The following RIMS1 variants were observed in gnomAD, a reference collection of about 807,000 sequenced individuals.
RIMS1 encodes regulating synaptic membrane exocytosis 1, also known as regulating synaptic membrane exocytosis protein 1.
Under a neutral mutation model 214.1 loss-of-function variants are expected in RIMS1, and 83 were observed. That is an observed-to-expected ratio of 0.39 (90% CI 0.32 to 0.47). RIMS1 has a LOEUF of 0.47. Among genes scored for constraint, RIMS1 ranks in the 20% least tolerant of loss-of-function variants. The pLI is 0.99. For missense variants in RIMS1, 2,050 were observed against 2,161.8 expected, an observed-to-expected ratio of 0.95 and a Z score of 1.03; for synonymous variants, 793 against 786.8, an observed-to-expected ratio of 1.01 and a Z score of -0.13.
At chr6:72,305,474 G>A (rs1160964990) in intron 26 of RIMS1, among the ~76,000 whole-genome samples, 2 of 152,046 alleles carry the variant, frequency 1.3e-5, no homozygotes, top group African/African-American at 2.4e-5. Flanking sequence ...AACTAAATTT[G>A]CAGTCCATTT....
intron 1 of RIMS1, among the ~76,000 whole-genome samples, chr6:71,928,606 C>G (rs1328462748): frequency 6.6e-6 from 1 of 152,008 alleles, no homozygotes; most frequent in African/African-American, 2.4e-5. Flanking sequence ...ACATTTATAT[C>G]TATATATTCT....
intron 29 of RIMS1, among the ~76,000 whole-genome samples, chr6:72,377,770 A>G (rs1196740756): frequency 2.0e-5 from 3 of 152,230 alleles, no homozygotes; most frequent in Non-Finnish European, 4.4e-5. Context: ...TGATCAATGT[A>G]TACAACTAAA....
chr6:72,257,272 A>C (rs543925807), intron 16 of RIMS1, among the ~76,000 whole-genome samples: 1 of 152,010 alleles, frequency 6.6e-6, no homozygotes, highest in East Asian at 1.9e-4. Flanking sequence ...CTTGTGAAAA[A>C]ATTTTAAACT....
intron 2 of RIMS1, among the ~76,000 whole-genome samples, chr6:72,076,767 C>G (rs1831998265): frequency 6.6e-6 from 1 of 152,158 alleles, no homozygotes; most frequent in East Asian, 1.9e-4. Flanking sequence ...TAAAAAAATC[C>G]TCAGCTTGAC....
intron 4 of RIMS1, among the ~76,000 whole-genome samples, chr6:72,103,703 A>T (rs1436951550): frequency 6.6e-6 from 1 of 152,100 alleles, no homozygotes; most frequent in Non-Finnish European, 1.5e-5. Flanking sequence ...GTCACATGAA[A>T]ACTCTATGTT....
chr6:72,008,061 G>C (rs142898131), intron 2 of RIMS1, among the ~76,000 whole-genome samples: 17,448 of 152,124 alleles, frequency 0.11, 1,189 homozygotes, highest in South Asian at 0.17. Flanking sequence ...AAATGTTAAG[G>C]GTTGCCAGAG....
At chr6:72,052,745 G>T (rs373610298) in intron 2 of RIMS1, among the ~76,000 whole-genome samples, 1 of 152,112 alleles carries the variant, frequency 6.6e-6, no homozygotes, top group African/African-American at 2.4e-5. Context: ...TATTTTTTGC[G>T]TATGTGTTAT....
intron 2 of RIMS1, among the ~76,000 whole-genome samples, chr6:71,983,745 TA>T (rs763316764): frequency 6.6e-6 from 1 of 152,194 alleles, no homozygotes; most frequent in Non-Finnish European, 1.5e-5. Flanking sequence ...TTATGTCTAC[TA>T]ACTACACAAA....
At chr6:72,071,032 G>C (rs991920635) in intron 2 of RIMS1, among the ~76,000 whole-genome samples, 1 of 152,160 alleles carries the variant, frequency 6.6e-6, no homozygotes, top group East Asian at 1.9e-4. Context: ...TTAGAACACA[G>C]ATGTCCTCAG....
At chr6:71,954,870 T>C (rs201552804) in intron 1 of RIMS1, among the ~76,000 whole-genome samples, 1 of 102,978 alleles carries the variant, frequency 9.7e-6, no homozygotes, top group Non-Finnish European at 1.8e-5. Flanking sequence ...ACACACACAC[T>C]CCACACACAC....
At chr6:72,336,317 G>C (rs1292332941) in intron 29 of RIMS1, among the ~76,000 whole-genome samples, 1 of 151,672 alleles carries the variant, frequency 6.6e-6, no homozygotes, top group Admixed American at 6.6e-5. Context: ...GCTCATCTTT[G>C]TATTAATAAG....
chr6:72,163,456 G>A lies in RIMS1; in HGVS notation c.472-16119G>A, dbSNP rs1207000216. 2.1e-5 allele frequency among the ~76,000 whole-genome samples: 3 copies of A among 140,928 alleles called. 1 individual carries two copies. Among genetic ancestry groups the A allele is most frequent in the Non-Finnish European group, 4.8e-5 (3 of 62,000 alleles). The allele number at this position is 140,928 out of a possible 152,430, so 92.5% of individuals were successfully genotyped here. ...GCTGTGTTCCTTTGGAGGAGGAGAG[G>A]CACTCTGATTTTTAATTTCCAGTTT... On this transcript the variant is annotated intron_variant, in intron 4 of 33. Transcript: ENST00000521978.
intron 28 of RIMS1, among the ~76,000 whole-genome samples, chr6:72,326,043 T>C (rs753088310): frequency 4.0e-5 from 6 of 151,826 alleles, no homozygotes; most frequent in Non-Finnish European, 7.4e-5. Flanking sequence ...GTAGGGCTCA[T>C]ATAATTTTTG....
In RIMS1 at chr6:72,290,662, TGGCCCTAA is replaced by T. The variant is rs1307745134; in HGVS notation, c.3555-16_3555-9del. On this transcript the variant is annotated splice_polypyrimidine_tract_variant and intron_variant, in intron 24 of 33. Transcript: ENST00000521978. ...GAACCTGCTGACTGAAGATCTTTTT[TGGCCCTAA>T]TGTTTTAGGGTTCTCCCAACATGTC... is the stretch of plus-strand genomic sequence containing the variant. 6.2e-7 allele frequency: 1 copy of T among 1,607,180 alleles called. No homozygotes were observed.
At chr6:72,208,694 A>C (rs185551337) in intron 6 of RIMS1, among the ~76,000 whole-genome samples, 7 of 152,302 alleles carry the variant, frequency 4.6e-5, no homozygotes, top group African/African-American at 1.7e-4. Context: ...TGGAGGAGAG[A>C]CATTCCATGG....
intron 4 of RIMS1, among the ~76,000 whole-genome samples, chr6:72,142,664 T>C (rs532929251): frequency 6.6e-6 from 1 of 152,240 alleles, no homozygotes; most frequent in African/African-American, 2.4e-5. Context: ...GCAGCAATCA[T>C]CTTGCAATGA....
At chr6:72,175,192 G>A (rs2047531817) in intron 4 of RIMS1, among the ~76,000 whole-genome samples, 1 of 152,200 alleles carries the variant, frequency 6.6e-6, no homozygotes, top group East Asian at 1.9e-4. Context: ...TTTCAAAATG[G>A]TACCATAATA....
chr6:71,908,517 A>G (rs1287508550), intron 1 of RIMS1, among the ~76,000 whole-genome samples: 1 of 152,154 alleles, frequency 6.6e-6, no homozygotes, highest in Non-Finnish European at 1.5e-5. Context: ...GCTCCTTCTT[A>G]GAGAGCCTTC....
At chr6:72,201,455 C>G (rs1442746045) in intron 6 of RIMS1, among the ~76,000 whole-genome samples, 1 of 152,094 alleles carries the variant, frequency 6.6e-6, no homozygotes, top group Admixed American at 6.5e-5. Flanking sequence ...GTGTTTTTGA[C>G]CCATTTTATC....
Sources: allele counts gnomAD v4.1 joint callset (sites outside exome capture counted in the v4.1 genomes callset), GRCh38; gene constraint gnomAD v4.1.1; transcripts MANE v1.5; gene names NCBI Gene and HGNC (gene_info 2026-07-23, HGNC 2026-07-21).